The following RFXANK variants were observed in gnomAD, a reference collection of about 807,000 sequenced individuals.
RFXANK encodes the protein regulatory factor X associated ankyrin containing protein.
Under a neutral mutation model 34.5 loss-of-function variants are expected in RFXANK, and 19 were observed. The observed-to-expected ratio is 0.55, with a 90% confidence interval of 0.38 to 0.81. The LOEUF (loss-of-function observed/expected upper bound fraction) is 0.81, where lower values mean the gene tolerates loss of function less well. RFXANK is among the 30% of genes least tolerant of loss of function. RFXANK has a pLI of 0.00. For missense variants in RFXANK, 295 were observed against 343.5 expected, an observed-to-expected ratio of 0.86 and a Z score of 1.12; for synonymous variants, 154 against 149.8, an observed-to-expected ratio of 1.03 and a Z score of -0.20.
rs2060545847 is a variant in RFXANK at position 19,193,882 on chromosome 19, C to G, written c.-8-57C>G. On this transcript the variant is annotated intron_variant, in intron 2 of 9. Coordinates refer to ENST00000303088, the MANE Select transcript of RFXANK (RefSeq NM_003721.4). ...AGGCTAGGTATGCAGTCGGTGCCTA[C>G]TTTATTATAACTGTTGATAATTATT... The G allele has an allele frequency of 1.9e-6, 3 of 1,593,520 alleles. No homozygotes were observed. In the South Asian group the frequency reaches 3.3e-5, roughly 18 times the overall value.
intron 7 of RFXANK, 147 bp from the exon 8 acceptor site, chr19:19,198,510 G>A (rs1004744836): frequency 1.9e-6 from 2 of 1,029,890 alleles, no homozygotes; most frequent in East Asian, 5.2e-5. Flanking sequence ...CCTGGAGGAA[G>A]GTGTCTAAGC....
At chr19:19,196,757 C>T (rs1263511583) in intron 3 of RFXANK, among the ~76,000 whole-genome samples, 4 of 151,762 alleles carry the variant, frequency 2.6e-5, no homozygotes, top group Non-Finnish European at 5.9e-5. Context: ...CCCAGCTACT[C>T]GGGAGGCTGA....
chr19:19,199,050 C>A, intron 8 of RFXANK, 104 bp from the exon 9 acceptor site: 1 of 1,155,436 alleles, frequency 8.7e-7, no homozygotes, highest in Non-Finnish European at 1.3e-6. Flanking sequence ...AGACCCACGG[C>A]TGCATTGTGG....
At position 19,192,406 on chromosome 19, in the gene RFXANK, C is replaced by T. The variant is rs573479798; in HGVS notation, c.-298C>T. 3.2e-4 allele frequency: 174 copies of T among 537,222 alleles called. No individual in the cohort carries two copies. The highest frequency in any genetic ancestry group is 5.2e-4 in the Non-Finnish European group (157 of 299,306). 33.3% of individuals were successfully genotyped at this position (537,222 alleles called of 1,614,324 possible). A position where few individuals can be genotyped will look rare whatever the true frequency, so the allele number is the denominator to read the frequency against. ...AAGAACTCTCTCCCTTTCTGAACCC[C>T]CTTTTCCTTGAGAGACGAGTTGGGG... On this transcript the variant is annotated 5_prime_UTR_variant, in exon 1 of 10. Transcript: ENST00000303088.
rs776752313 is a variant in RFXANK at position 19,197,495 on chromosome 19, TGGTATTGCCCGCCTCCTCCTGCCAGG to T, written c.338-25_338del. 1.5e-5 allele frequency: 24 copies of T among 1,608,392 alleles called. No homozygotes were observed. The Admixed American group carries it at 1.8e-4, about 12-fold the overall frequency. On this transcript the variant is annotated splice_acceptor_variant and splice_polypyrimidine_tract_variant and coding_sequence_variant and intron_variant, in exon 6 of 10. Coordinates refer to ENST00000303088, the MANE Select transcript of RFXANK (RefSeq NM_003721.4). LOFTEE classifies it high-confidence loss of function. ...GATAGGGGGCAGGGGTGCAGCCTGG[TGGTATTGCCCGCCTCCTCCTGCCAGG>T]TGACAACCTCGTCAACAAGCCAGAC...
chr19:19,193,830 C>A, intron 2 of RFXANK, 109 bp from the exon 3 acceptor site: 2 of 1,250,264 alleles, frequency 1.6e-6, no homozygotes, highest in Non-Finnish European at 2.3e-6. Flanking sequence ...TTAACCTGGA[C>A]CTCAGTTTAC....
rs761588579 is a variant in RFXANK, at chr19:19,197,063, T to A, written c.271+17T>A. On this transcript the variant is annotated intron_variant, in intron 4 of 9. Coordinates refer to ENST00000303088, the MANE Select transcript of RFXANK (RefSeq NM_003721.4). ...CCCTAGACTGTGAGTGGGCCCACGG[T>A]CCCCAACAAGGAGAGGAGTAGGAGG... is the stretch of plus-strand genomic sequence containing the variant. The A allele has an allele frequency of 1.1e-5, 17 of 1,612,980 alleles. No homozygotes were observed. The African/African-American group carries it at 2.1e-4, about 20-fold the overall frequency.
rs1379140459 is a variant in RFXANK, at chr19:19,198,216, T to C, written c.548T>C (p.Ile183Thr). Residue 183 changes from isoleucine (I) to threonine (T), a missense_variant, in exon 7 of 10, where the codon ATC becomes ACC. Ile to Thr is a moderately conservative substitution (Grantham distance 89). Coordinates refer to ENST00000303088, the MANE Select transcript of RFXANK (RefSeq NM_003721.4). ...CTGCTGCTGGAGCGTGACGTGGACA[T>C]CAACATCTATGATTGGGTGAGGGAC... ...VGLLLERDVD[I>T]NIYDWNGGTP... 1 of 1,614,084 alleles carries C rather than the reference T, an allele frequency of 6.2e-7. No homozygotes were observed. Among genetic ancestry groups the C allele is most frequent in the South Asian group, 1.1e-5 (1 of 91,078 alleles).
chr19:19,196,246 G>A (rs1052281160), intron 3 of RFXANK, among the ~76,000 whole-genome samples: 1 of 152,014 alleles, frequency 6.6e-6, no homozygotes, highest in Admixed American at 6.6e-5. Context: ...CACTGCCTTT[G>A]GTAGCTCCAA....
chr19:19,199,074 C>A, intron 8 of RFXANK, 80 bp from the exon 9 acceptor site: 1 of 1,337,280 alleles, frequency 7.5e-7, no homozygotes, highest in Non-Finnish European at 1.1e-6. Flanking sequence ...ATGAGGGGTG[C>A]CATGGGATCT....
chr19:19,198,778 G>C, intron 8 of RFXANK, 55 bp downstream of exon 8: 1 of 1,569,038 alleles, frequency 6.4e-7, no homozygotes, highest in South Asian at 1.1e-5. Context: ...CGGGCCCTGC[G>C]GGAATCCTGA....
intron 4 of RFXANK, 69 bp from the exon 5 acceptor site, chr19:19,197,117 G>C (rs1490548221): frequency 1.4e-5 from 23 of 1,612,068 alleles, no homozygotes; most frequent in Non-Finnish European, 1.9e-5. Flanking sequence ...AGCAATCGTG[G>C]ACAGAGGGTA....
At chr19:19,199,665 G>A (rs2060666248) in intron 9 of RFXANK, among the ~76,000 whole-genome samples, 1 of 152,134 alleles carries the variant, frequency 6.6e-6, no homozygotes. Context: ...GCATCCAGGT[G>A]GGAGGAGTGG....
intron 5 of RFXANK, 45 bp downstream of exon 5, chr19:19,197,296 T>C: frequency 6.3e-7 from 1 of 1,592,648 alleles, no homozygotes; most frequent in Non-Finnish European, 8.6e-7. Flanking sequence ...ACCTGGCTGG[T>C]GTGTGCATAT....
At chr19:19,199,331 G>A (rs1347340542) in intron 9 of RFXANK, 97 bp downstream of exon 9, 17 of 1,169,384 alleles carry the variant, frequency 1.5e-5, no homozygotes, top group African/African-American at 7.6e-5. Flanking sequence ...GTCATACGCC[G>A]GCAGCGAGAG....
chr19:19,200,080 G>A (rs557273918), intron 9 of RFXANK, among the ~76,000 whole-genome samples: 2 of 151,786 alleles, frequency 1.3e-5, no homozygotes, highest in East Asian at 3.9e-4. Flanking sequence ...CTGCAGCCTC[G>A]ATCTCCCAGG....
At chr19:19,192,926 C>A (rs996552457) in intron 1 of RFXANK, 34 bp from the exon 2 acceptor site, 2 of 152,378 alleles carry the variant, frequency 1.3e-5, no homozygotes, top group Non-Finnish European at 2.9e-5. Flanking sequence ...GTGGGGGTAG[C>A]GGTCGAGTAT....
intron 3 of RFXANK, among the ~76,000 whole-genome samples, chr19:19,195,698 T>TGGGCTCCGTTCTTTTCATCCTC (rs2060587253): frequency 1.3e-5 from 2 of 151,852 alleles, no homozygotes; most frequent in Admixed American, 1.3e-4. Context: ...ACTTATTCCT[T>TGGGCTCCGTTCTTTTCATCCTC]GTGCTCCGTT....
rs2060518853 is a variant in RFXANK, at chr19:19,193,099, A to T, written c.-10A>T. Reference sequence around the variant, plus strand: ...GGGGGGACAGAGGAGGCTCGTGGGGAGGTGAGTGGACCTCCTGGATCGATT... The same window carrying T: ...GGGGGGACAGAGGAGGCTCGTGGGGTGGTGAGTGGACCTCCTGGATCGATT... On this transcript the variant is annotated splice_region_variant and 5_prime_UTR_variant, in exon 2 of 10. Transcript: ENST00000303088. The T allele has an allele frequency of 5.3e-5, 8 of 152,074 alleles. No individual in the cohort carries two copies. The highest frequency in any genetic ancestry group is 5.3e-4 in the Admixed American group (8 of 15,228). 9.4% of individuals were successfully genotyped at this position (152,074 alleles called of 1,614,324 possible). A position where few individuals can be genotyped will look rare whatever the true frequency, so the allele number is the denominator to read the frequency against.
Sources: allele counts gnomAD v4.1 joint callset (sites outside exome capture counted in the v4.1 genomes callset), GRCh38; gene constraint gnomAD v4.1.1; transcripts MANE v1.5; gene names NCBI Gene and HGNC (gene_info 2026-07-23, HGNC 2026-07-21).